FBXO9: variants seen among roughly 807,000 people sequenced by gnomAD.
FBXO9 encodes F-box protein 9.
A neutral mutation model predicts 63.7 loss-of-function variants in FBXO9; 43 were observed. That is an observed-to-expected ratio of 0.67 (90% CI 0.53 to 0.87). The LOEUF (loss-of-function observed/expected upper bound fraction) is 0.87. FBXO9 is among the 40% of genes least tolerant of loss of function. FBXO9 has a pLI of 0.00. For missense variants in FBXO9, 442 were observed against 533.2 expected, an observed-to-expected ratio of 0.83 and a Z score of 1.68; for synonymous variants, 156 against 171.7, an observed-to-expected ratio of 0.91 and a Z score of 0.72.
At chr6:53,076,577 A>G in intron 4 of FBXO9, 34 bp downstream of exon 4, 2 of 1,416,134 alleles carry the variant, frequency 1.4e-6, no homozygotes, top group South Asian at 2.9e-5. Flanking sequence ...ATATCATAAC[A>G]TTTCTGAATA....
intron 6 of FBXO9, 150 bp downstream of exon 6, chr6:53,081,248 A>G (rs769276174): frequency 1.6e-5 from 13 of 799,744 alleles, no homozygotes; most frequent in Non-Finnish European, 2.1e-5. Flanking sequence ...TGCATATACT[A>G]TTAAGCTGTT....
intron 3 of FBXO9, among the ~76,000 whole-genome samples, chr6:53,076,030 C>A (rs1769097059): frequency 6.6e-6 from 1 of 152,096 alleles, no homozygotes; most frequent in South Asian, 2.1e-4. Context: ...AGGCGTGAGC[C>A]ACCGCGCCCA....
chr6:53,067,704 AAG>A (rs1248017022), intron 1 of FBXO9, among the ~76,000 whole-genome samples: 1 of 152,094 alleles, frequency 6.6e-6, no homozygotes, highest in Non-Finnish European at 1.5e-5. Flanking sequence ...GACTCTTGAG[AAG>A]AGAGAGAAAT....
At chr6:53,092,587 T>C in intron 8 of FBXO9, 40 bp downstream of exon 8, 1 of 1,532,842 alleles carries the variant, frequency 6.5e-7, no homozygotes, top group Non-Finnish European at 9.0e-7. Context: ...AATACTGATC[T>C]ATAATGCTGA....
At chr6:53,065,867 C>T in intron 1 of FBXO9, 75 bp downstream of exon 1, 3 of 1,256,624 alleles carry the variant, frequency 2.4e-6, no homozygotes, top group Non-Finnish European at 2.0e-6. Flanking sequence ...GGGCCTAGGG[C>T]TGGGGGTCGG....
rs561143542 is a variant in FBXO9, at chr6:53,074,119, A to G, written c.249+480A>G. On this transcript the variant is annotated intron_variant, in intron 3 of 12. Transcript: ENST00000323557. ...ATTAATCATTTCCTTATTCTGGAAA[A>G]TTTTGAAATATTTTCACACTGAAAA... Among the ~76,000 whole-genome samples, 513 of 152,266 alleles carry G rather than the reference A, an allele frequency of 3.4e-3. 1 individual carries two copies. Among genetic ancestry groups the G allele is most frequent in the African/African-American group, 0.012 (494 of 41,552 alleles).
rs1362857781 is a variant in FBXO9 at position 53,098,728 on chromosome 6, T to A, written c.*898T>A. On this transcript the variant is annotated 3_prime_UTR_variant, in exon 13 of 13. Coordinates refer to ENST00000323557, the MANE Select transcript of FBXO9 (RefSeq NM_033480.3). ...CCCTTAGGACTGGAACACTTCAAGCTCAACCAACTGACTCAGTTGTCATTC... is the reference window on the plus strand; with the variant it reads ...CCCTTAGGACTGGAACACTTCAAGCACAACCAACTGACTCAGTTGTCATTC... The A allele has an allele frequency of 1.3e-5, 2 of 152,236 alleles. No homozygotes were observed. Among genetic ancestry groups the A allele is most frequent in the Non-Finnish European group, 2.9e-5 (2 of 68,062 alleles). 9.4% of individuals were successfully genotyped at this position (152,236 alleles called of 1,614,324 possible).
intron 2 of FBXO9, 40 bp downstream of exon 2, chr6:53,071,183 G>T: frequency 6.6e-7 from 1 of 1,524,578 alleles, no homozygotes; most frequent in Non-Finnish European, 8.9e-7. Flanking sequence ...TTATTCCATT[G>T]TTCCCATACA....
Position 53,071,564 on chromosome 6 carries a change from G to A in FBXO9, c.90+421G>A, listed in dbSNP as rs567634512. Among the ~76,000 whole-genome samples the A allele has an allele frequency of 5.3e-5, 8 of 152,310 alleles. 1 individual carries two copies. In the East Asian group the frequency reaches 1.5e-3, roughly 29 times the overall value. On this transcript the variant is annotated intron_variant, in intron 2 of 12. Coordinates refer to ENST00000323557, the MANE Select transcript of FBXO9 (RefSeq NM_033480.3). ...GAGCACTCATATATTTGGAAGAACA[G>A]AGGATAAAAAGATATGAGTGGACTG... is the stretch of plus-strand genomic sequence containing the variant.
chr6:53,096,207 T>C (rs942878030), intron 12 of FBXO9, among the ~76,000 whole-genome samples: 1 of 152,202 alleles, frequency 6.6e-6, no homozygotes, highest in Non-Finnish European at 1.5e-5. Context: ...CTGTACATCA[T>C]AATCAGTGAA....
chr6:53,093,746 G>T, intron 10 of FBXO9, 139 bp from the exon 11 acceptor site: 1 of 857,986 alleles, frequency 1.2e-6, no homozygotes, highest in East Asian at 2.7e-5. Context: ...CAGGTCTTTG[G>T]AGCCTTGGAA....
At chr6:53,081,826 T>C (rs950451788) in intron 6 of FBXO9, among the ~76,000 whole-genome samples, 1 of 152,168 alleles carries the variant, frequency 6.6e-6, no homozygotes, top group African/African-American at 2.4e-5. Flanking sequence ...CTCAGCATTT[T>C]GGGAGGCTGA....
At chr6:53,069,077 G>C (rs1768818028) in intron 1 of FBXO9, among the ~76,000 whole-genome samples, 1 of 152,180 alleles carries the variant, frequency 6.6e-6, no homozygotes, top group South Asian at 2.1e-4. Context: ...TCAGGAGTTT[G>C]AGGCCATCCT....
intron 4 of FBXO9, among the ~76,000 whole-genome samples, chr6:53,077,374 G>A (rs965387170): frequency 6.8e-6 from 1 of 147,368 alleles, no homozygotes; most frequent in African/African-American, 2.5e-5. Flanking sequence ...TTGGGAGGCT[G>A]AGGCAGGAGA....
intron 7 of FBXO9, chr6:53,090,967 T>C (rs1763023535): frequency 1.3e-5 from 2 of 152,200 alleles, no homozygotes; most frequent in Admixed American, 6.5e-5. Context: ...CTTAGCTGGG[T>C]GTGGTGGTGC....
chr6:53,076,761 CTTA>C (rs1769125837), intron 4 of FBXO9, among the ~76,000 whole-genome samples: 1 of 150,270 alleles, frequency 6.7e-6, no homozygotes, highest in Non-Finnish European at 1.5e-5. Context: ...ATATAACTTA[CTTA>C]TTATGTAAAT....
intron 1 of FBXO9, chr6:53,066,065 A>T: frequency 1.6e-6 from 2 of 1,218,404 alleles, no homozygotes; most frequent in Non-Finnish European, 2.0e-6. Flanking sequence ...AGCCGGGGAA[A>T]ATGTCCCTTC....
chr6:53,093,380 G>T (rs970890620), intron 9 of FBXO9, 86 bp from the exon 10 acceptor site: 6 of 829,174 alleles, frequency 7.2e-6, no homozygotes, highest in African/African-American at 1.7e-5. Context: ...TCATAGCTAT[G>T]AATAGGCATA....
At chr6:53,087,780 G>A (rs1022597530) in intron 7 of FBXO9, among the ~76,000 whole-genome samples, 1 of 152,282 alleles carries the variant, frequency 6.6e-6, no homozygotes, top group South Asian at 2.1e-4. Flanking sequence ...AATACTAAGA[G>A]CAAATTAATA....
Sources: gnomAD v4.1 joint callset for allele counts (sites outside exome capture counted in the v4.1 genomes callset) on GRCh38, gnomAD v4.1.1 for gene constraint, MANE v1.5 for transcripts, NCBI Gene and HGNC (gene_info 2026-07-23, HGNC 2026-07-21) for gene names.